Variants in DNAH14 observed in about 807,000 individuals in gnomAD.
DNAH14 encodes the protein axonemal beta dynein heavy chain 14.
DNAH14 carries 478 observed loss-of-function variants against 520.9 expected under a neutral mutation model. The ratio of observed to expected loss-of-function variants is 0.92; its 90% CI spans 0.85 to 0.99. DNAH14 has a LOEUF of 0.99. DNAH14 is among the 50% of genes least tolerant of loss of function. DNAH14 has a pLI of 0.00. For missense variants in DNAH14, 4,831 were observed against 5,234.5 expected (o/e 0.92, Z 2.38); for synonymous variants, 1,581 against 1,757.2 (o/e 0.90, Z 2.51).
At position 225,023,866 on chromosome 1, in the gene DNAH14, G is replaced by T; in HGVS notation, c.1358+1G>T. ...AAAAAAAGAATGAAAATCTTATCAG[G>T]TAAATTACTTTTTTGAAGTCAAAAA... is the stretch of plus-strand genomic sequence containing the variant. On this transcript the variant is annotated splice_donor_variant, in intron 11 of 85. Coordinates refer to ENST00000682510, the MANE Select transcript of DNAH14 (RefSeq NM_001367479.1). LOFTEE classifies it high-confidence loss of function. The T allele has an allele frequency of 6.6e-7, 1 of 1,516,308 alleles. No individual in the cohort carries two copies. Among genetic ancestry groups the T allele is most frequent in the East Asian group, 2.5e-5 (1 of 40,182 alleles). The allele number at this position is 1,516,308 out of a possible 1,614,324, so 93.9% of individuals were successfully genotyped here.
chr1:225,251,646 C>T (rs1430303382), intron 43 of DNAH14, among the ~76,000 whole-genome samples: 4 of 151,832 alleles, frequency 2.6e-5, no homozygotes, highest in Admixed American at 2.0e-4. Context: ...GTAAGACAAG[C>T]CACAGATTCA....
rs950758232 is a variant in DNAH14 at position 225,155,473 on chromosome 1, C to A, written c.5273+1647C>A. Among the ~76,000 whole-genome samples, 8 of 152,104 alleles carry A rather than the reference C, an allele frequency of 5.3e-5. No individual in the cohort carries two copies. The South Asian group carries it at 8.3e-4, about 16-fold the overall frequency. On this transcript the variant is annotated intron_variant, in intron 34 of 85. Coordinates refer to ENST00000682510, the MANE Select transcript of DNAH14 (RefSeq NM_001367479.1). The stretch of plus-strand genomic sequence containing the variant: ...ATAATATTGATGGCATGTAAATAGG[C>A]GTCTGTTGTTAAATGTTTTATGATT...
intron 23 of DNAH14, among the ~76,000 whole-genome samples, chr1:225,109,776 C>T (rs2076348482): frequency 6.6e-6 from 1 of 152,070 alleles, no homozygotes; most frequent in South Asian, 2.1e-4. Flanking sequence ...CACCCTTGGC[C>T]TCTATGACCT....
At position 225,007,450 on chromosome 1, in the gene DNAH14, G is replaced by A. The variant is rs919871366; in HGVS notation, c.1013G>A (p.Cys338Tyr). The change falls in exon 10 of 86, where the codon TGT becomes TAT. Residue 338 changes from cysteine to tyrosine, a missense_variant. Physicochemically the swap from Cys to Tyr is radical, Grantham distance 194 (BLOSUM62 -2). Coordinates refer to ENST00000682510, the MANE Select transcript of DNAH14 (RefSeq NM_001367479.1). ...SSRTYSLDEF[C>Y]EEQLQQATQA... ...CGAACATATTCTCTAGATGAATTTT[G>A]TGAAGAGCAGTTACAGCAAGCTACC... 6.5e-7 allele frequency: 1 copy of A among 1,539,528 alleles called. No homozygotes were observed. Among genetic ancestry groups the A allele is most frequent in the Non-Finnish European group, 8.8e-7 (1 of 1,140,270 alleles).
At chr1:225,255,141 T>C (rs2092692155) in intron 44 of DNAH14, among the ~76,000 whole-genome samples, 1 of 152,156 alleles carries the variant, frequency 6.6e-6, no homozygotes. Flanking sequence ...CAGGGGGTAG[T>C]TATTGGAAGG....
At chr1:225,185,502 T>TA in intron 37 of DNAH14, 77 bp downstream of exon 37, 1 of 1,356,130 alleles carries the variant, frequency 7.4e-7, no homozygotes, top group Non-Finnish European at 9.7e-7. Flanking sequence ...ATGTTCTCTT[T>TA]ATATTGGTAT....
At chr1:225,028,233 T>A (rs1369026041) in intron 11 of DNAH14, among the ~76,000 whole-genome samples, 1 of 151,998 alleles carries the variant, frequency 6.6e-6, no homozygotes, top group Non-Finnish European at 1.5e-5. Context: ...TTTAAAAGAT[T>A]CATCTGTGAA....
At chr1:225,143,237 G>A (rs758675039) in intron 28 of DNAH14, among the ~76,000 whole-genome samples, 4 of 151,894 alleles carry the variant, frequency 2.6e-5, no homozygotes, top group Non-Finnish European at 5.9e-5. Flanking sequence ...ATAATGATTT[G>A]GCACTCTACT....
intron 17 of DNAH14, among the ~76,000 whole-genome samples, chr1:225,070,325 T>A (rs1020134864): frequency 1.3e-5 from 2 of 152,210 alleles, no homozygotes; most frequent in African/African-American, 4.8e-5. Flanking sequence ...TCTTTCTAGC[T>A]TTTTGATGTG....
At chr1:225,141,718 G>T (rs141694603) in intron 28 of DNAH14, among the ~76,000 whole-genome samples, 1 of 152,004 alleles carries the variant, frequency 6.6e-6, no homozygotes, top group Non-Finnish European at 1.5e-5. Context: ...TCTTCTTTCC[G>T]CTGTGCTGTT....
intron 64 of DNAH14, among the ~76,000 whole-genome samples, chr1:225,329,984 G>T (rs971531074): frequency 2.0e-5 from 3 of 152,134 alleles, no homozygotes; most frequent in Non-Finnish European, 2.9e-5. Context: ...ATTTGAAAAT[G>T]AGTAAAAGGC....
chr1:224,934,149 G>T (rs1004668585), intron 1 of DNAH14, among the ~76,000 whole-genome samples: 10 of 151,650 alleles, frequency 6.6e-5, no homozygotes, highest in African/African-American at 2.4e-4. Flanking sequence ...TGACACCTCC[G>T]AAGGAACACA....
chr1:225,321,237 A>C (rs1215427296), intron 61 of DNAH14, among the ~76,000 whole-genome samples: 1 of 152,220 alleles, frequency 6.6e-6, no homozygotes, highest in Non-Finnish European at 1.5e-5. Flanking sequence ...CACATAGGTT[A>C]GAATTTCTAG....
rs190549666 is a variant in DNAH14 at position 225,250,332 on chromosome 1, A to G, written c.6749-1969A>G. Among the ~76,000 whole-genome samples the G allele has an allele frequency of 1.4e-4, 21 of 152,324 alleles. No homozygotes were observed. The East Asian group carries it at 3.7e-3, about 27-fold the overall frequency. On this transcript the variant is annotated intron_variant, in intron 43 of 85. Transcript: ENST00000682510. ...GTGGTTTTAATCTGCATTTCTCTAA[A>G]AACTAATGATGTATAATAAGGGACA... is the stretch of plus-strand genomic sequence containing the variant.
chr1:225,356,327 CCT>C (rs1325761117), intron 73 of DNAH14, among the ~76,000 whole-genome samples: 1 of 152,124 alleles, frequency 6.6e-6, no homozygotes, highest in Non-Finnish European at 1.5e-5. Flanking sequence ...AGTGTCTGTC[CCT>C]TTGGCCCAGT....
At chr1:225,015,609 G>C (rs1328364230) in intron 10 of DNAH14, among the ~76,000 whole-genome samples, 2 of 152,052 alleles carry the variant, frequency 1.3e-5, no homozygotes, top group Admixed American at 6.6e-5. Flanking sequence ...AGAGAAAAAA[G>C]ATACACACAC....
intron 34 of DNAH14, among the ~76,000 whole-genome samples, chr1:225,155,561 GT>G (rs1190075917): frequency 1.3e-5 from 2 of 152,140 alleles, no homozygotes; most frequent in Admixed American, 1.3e-4. Context: ...ATATCCTCAA[GT>G]CCTCTGGATT....
At chr1:224,954,874 A>G in intron 2 of DNAH14, 85 bp from the exon 3 acceptor site, 1 of 1,053,736 alleles carries the variant, frequency 9.5e-7, no homozygotes, top group Non-Finnish European at 1.4e-6. Context: ...ATAAATGTGA[A>G]ATTTTGGTAA....
rs376960771 is a variant in DNAH14, at chr1:224,962,313, C to A, written c.367+2011C>A. Among the ~76,000 whole-genome samples, 4 of 152,230 alleles carry A rather than the reference C, an allele frequency of 2.6e-5. No homozygotes were observed. The South Asian group carries it at 6.2e-4, about 24-fold the overall frequency. On this transcript the variant is annotated intron_variant, in intron 4 of 85. Coordinates refer to ENST00000682510, the MANE Select transcript of DNAH14 (RefSeq NM_001367479.1). ...ATGTATTTAAGGCCCTTAATCAAATCAGTTGACTTTAAATTTATCAAAGGA... is the reference window on the plus strand; with the variant it reads ...ATGTATTTAAGGCCCTTAATCAAATAAGTTGACTTTAAATTTATCAAAGGA...
Sources: gnomAD v4.1 joint callset for allele counts (sites outside exome capture counted in the v4.1 genomes callset) on GRCh38, gnomAD v4.1.1 for gene constraint, MANE v1.5 for transcripts, NCBI Gene and HGNC (gene_info 2026-07-23, HGNC 2026-07-21) for gene names.